The following DLG2 variants were observed in gnomAD, a reference collection of about 807,000 sequenced individuals.
DLG2 encodes disks large homolog 2.
In DLG2, 45 loss-of-function variants were observed where a neutral mutation model predicts 132.5. That is an observed-to-expected ratio of 0.34 (90% CI 0.27 to 0.44). DLG2 has a LOEUF of 0.44. Among genes scored for constraint, DLG2 ranks in the 20% least tolerant of loss-of-function variants. The pLI is 1.00. For missense variants in DLG2, 1,045 were observed against 1,196.9 expected (o/e 0.87, Z 1.87); for synonymous variants, 424 against 419.6 (o/e 1.01, Z -0.13).
At chr11:83,709,172 C>CT (rs1199158333) in intron 18 of DLG2, among the ~76,000 whole-genome samples, 3 of 151,324 alleles carry the variant, frequency 2.0e-5, no homozygotes, top group African/African-American at 7.3e-5. Flanking sequence ...AAGAAAGAAT[C>CT]TTTTTGAGAG....
At chr11:83,726,686 T>A (rs183064343) in intron 18 of DLG2, among the ~76,000 whole-genome samples, 1 of 152,186 alleles carries the variant, frequency 6.6e-6, no homozygotes, top group East Asian at 1.9e-4. Context: ...CAGCCACAAG[T>A]GGAAGCTAAT....
intron 7 of DLG2, among the ~76,000 whole-genome samples, chr11:84,445,929 A>G (rs1051573894): frequency 6.6e-6 from 1 of 151,168 alleles, no homozygotes; most frequent in Non-Finnish European, 1.5e-5. Context: ...AAAAAAAAAA[A>G]AAAAAAAAAA....
At chr11:84,616,856 T>TA (rs1375955686) in intron 6 of DLG2, among the ~76,000 whole-genome samples, 1 of 152,102 alleles carries the variant, frequency 6.6e-6, no homozygotes, top group Non-Finnish European at 1.5e-5. Context: ...AGTGGACAGA[T>TA]AACATTTCCC....
chr11:83,846,133 T>C (rs1043367062), intron 16 of DLG2, among the ~76,000 whole-genome samples: 1 of 152,230 alleles, frequency 6.6e-6, no homozygotes, highest in Admixed American at 6.5e-5. Context: ...GAACTAGATC[T>C]TGACAGATGG....
intron 11 of DLG2, among the ~76,000 whole-genome samples, chr11:84,056,163 C>T (rs1241980814): frequency 1.3e-5 from 2 of 151,844 alleles, no homozygotes; most frequent in East Asian, 1.9e-4. Flanking sequence ...CCTATCAACC[C>T]ATCATCTAGG....
chr11:84,210,260 G>T (rs2096734138), intron 8 of DLG2, among the ~76,000 whole-genome samples: 1 of 151,604 alleles, frequency 6.6e-6, no homozygotes, highest in Admixed American at 6.6e-5. Flanking sequence ...TCTAGCCTGG[G>T]TGACAGAGTG....
intron 18 of DLG2, among the ~76,000 whole-genome samples, chr11:83,745,441 T>C (rs982275126): frequency 1.3e-5 from 2 of 152,180 alleles, no homozygotes; most frequent in East Asian, 1.9e-4. Context: ...CTTTACTCTT[T>C]CATTTTATCT....
intron 6 of DLG2, among the ~76,000 whole-genome samples, chr11:84,779,454 T>G (rs761835676): frequency 2.6e-5 from 4 of 152,018 alleles, no homozygotes; most frequent in African/African-American, 4.8e-5. Flanking sequence ...AATCTAGGAG[T>G]TTTTTTGTGG....
chr11:85,248,429 T>A (rs899420823), intron 4 of DLG2, among the ~76,000 whole-genome samples: 4 of 152,090 alleles, frequency 2.6e-5, no homozygotes, highest in Admixed American at 6.6e-5. Context: ...ATTAAAGATT[T>A]TTTTTACCTT....
At chr11:84,105,324 A>G (rs1471691283) in intron 9 of DLG2, among the ~76,000 whole-genome samples, 1 of 152,154 alleles carries the variant, frequency 6.6e-6, no homozygotes, top group African/African-American at 2.4e-5. Context: ...ACATTTTGAA[A>G]CTAGACTTTG....
chr11:84,912,191 C>T (rs957850881), intron 6 of DLG2, among the ~76,000 whole-genome samples: 9 of 152,142 alleles, frequency 5.9e-5, no homozygotes, highest in African/African-American at 1.9e-4. Flanking sequence ...ACTCTGTCGC[C>T]CAGGCTGGAG....
At chr11:85,430,380 T>A (rs531062909) in intron 3 of DLG2, among the ~76,000 whole-genome samples, 2 of 151,488 alleles carry the variant, frequency 1.3e-5, no homozygotes, top group Non-Finnish European at 2.9e-5. Context: ...AAGAAAAAAA[T>A]TTACATGATT....
At chr11:83,486,846 T>C (rs1302614813) in intron 21 of DLG2, among the ~76,000 whole-genome samples, 1 of 152,094 alleles carries the variant, frequency 6.6e-6, no homozygotes, top group Admixed American at 6.6e-5. Context: ...GACTTAAAAG[T>C]CACATGTTTA....
At chr11:83,751,244 C>A (rs1035141865) in intron 18 of DLG2, among the ~76,000 whole-genome samples, 1 of 152,010 alleles carries the variant, frequency 6.6e-6, no homozygotes, top group African/African-American at 2.4e-5. Context: ...GGAAGTGTGC[C>A]CAGTGTGTTA....
chr11:85,216,654 T>C (rs1034448576), intron 4 of DLG2, among the ~76,000 whole-genome samples: 1 of 152,148 alleles, frequency 6.6e-6, no homozygotes, highest in Non-Finnish European at 1.5e-5. Context: ...TCACAGAATC[T>C]TAGGGTCGGT....
chr11:84,762,104 T>C (rs911015114), intron 6 of DLG2: 4 of 152,174 alleles, frequency 2.6e-5, no homozygotes, highest in African/African-American at 9.7e-5. Context: ...CTCATTTTCA[T>C]TTATAGAAAC....
At chr11:84,697,456 G>T (rs951628074) in intron 6 of DLG2, among the ~76,000 whole-genome samples, 2 of 151,310 alleles carry the variant, frequency 1.3e-5, no homozygotes, top group Non-Finnish European at 3.0e-5. Context: ...AACACAATCA[G>T]GTAATAGTTA....
At chr11:84,899,008 G>A (rs1260755772) in intron 6 of DLG2, among the ~76,000 whole-genome samples, 1 of 152,048 alleles carries the variant, frequency 6.6e-6, no homozygotes, top group Non-Finnish European at 1.5e-5. Flanking sequence ...CAGTGCTTGT[G>A]CAGAAGCTAC....
intron 6 of DLG2, among the ~76,000 whole-genome samples, chr11:85,110,973 C>A (rs1029344394): frequency 2.6e-5 from 4 of 152,108 alleles, no homozygotes; most frequent in African/African-American, 4.8e-5. Flanking sequence ...TTCTATTAGG[C>A]AATCCATGTA....
Sources: gnomAD v4.1 joint callset for allele counts (sites outside exome capture counted in the v4.1 genomes callset) on GRCh38, gnomAD v4.1.1 for gene constraint, MANE v1.5 for transcripts, NCBI Gene and HGNC (gene_info 2026-07-23, HGNC 2026-07-21) for gene names.